The following MYO16 variants were observed in gnomAD, a reference collection of about 807,000 sequenced individuals.
MYO16 encodes myosin XVI.
A neutral mutation model predicts 205.3 loss-of-function variants in MYO16; 94 were observed. That is an observed-to-expected ratio of 0.46 (90% CI 0.39 to 0.54). The LOEUF is 0.54. Among genes scored for constraint, MYO16 ranks in the 20% least tolerant of loss-of-function variants. MYO16 has a pLI of 0.00. For missense variants in MYO16, 2,315 were observed against 2,387.5 expected (o/e 0.97, Z 0.63); for synonymous variants, 988 against 954.0 (o/e 1.04, Z -0.66).
intron 1 of MYO16, among the ~76,000 whole-genome samples, chr13:108,648,516 T>C (rs9583273): frequency 1.7e-3 from 264 of 152,156 alleles, no homozygotes; most frequent in African/African-American, 5.6e-3. Context: ...CAGCACATAC[T>C]GAACACAAAA....
chr13:109,095,564 T>C (rs1474131661), intron 27 of MYO16, among the ~76,000 whole-genome samples: 1 of 152,166 alleles, frequency 6.6e-6, no homozygotes. Context: ...GTCAGAATTA[T>C]ACCATTTTAA....
chr13:109,051,405 C>T (rs368572239), intron 24 of MYO16, among the ~76,000 whole-genome samples: 3 of 152,192 alleles, frequency 2.0e-5, no homozygotes, highest in African/African-American at 4.8e-5. Context: ...ATTGGCTAAG[C>T]GTGATCCTAG....
intron 23 of MYO16, among the ~76,000 whole-genome samples, chr13:109,025,516 T>G (rs939014516): frequency 6.6e-6 from 1 of 152,192 alleles, no homozygotes. Flanking sequence ...AGCATGAATC[T>G]GAATTAAAGA....
At chr13:108,717,242 A>G (rs943326348) in intron 3 of MYO16, among the ~76,000 whole-genome samples, 1 of 152,164 alleles carries the variant, frequency 6.6e-6, no homozygotes, top group African/African-American at 2.4e-5. Context: ...GGTGAAATAT[A>G]TTAGAAATAA....
chr13:108,517,654 C>G, the MYO16 span, among the ~76,000 whole-genome samples: 6 of 152,178 alleles, frequency 3.9e-5, no homozygotes, highest in Non-Finnish European at 8.8e-5. Context: ...ATAATATATT[C>G]ATGTCAGGGA....
chr13:109,012,844 C>T (rs1885649272), intron 22 of MYO16, among the ~76,000 whole-genome samples: 1 of 151,160 alleles, frequency 6.6e-6, no homozygotes, highest in Non-Finnish European at 1.5e-5. Flanking sequence ...AACTGTCAGA[C>T]TTCTAATTTA....
chr13:108,823,613 A>G (rs972417850), intron 9 of MYO16, among the ~76,000 whole-genome samples: 1 of 152,174 alleles, frequency 6.6e-6, no homozygotes, highest in African/African-American at 2.4e-5. Flanking sequence ...CTGAAATAGA[A>G]AATACTGATA....
At chr13:108,949,258 C>T (rs1883052741) in intron 16 of MYO16, among the ~76,000 whole-genome samples, 2 of 152,062 alleles carry the variant, frequency 1.3e-5, no homozygotes, top group African/African-American at 4.8e-5. Context: ...AAGGCACCAT[C>T]AGGCTTTGTG....
At chr13:108,566,723 AAGGAAGGAAGGG>A in the MYO16 span, among the ~76,000 whole-genome samples, 5 of 134,734 alleles carry the variant, frequency 3.7e-5, no homozygotes, top group African/African-American at 8.9e-5. Flanking sequence ...AGGAGGAAGG[AAGGAAGGAAGGG>A]AGGAAGGAAG....
the MYO16 span, among the ~76,000 whole-genome samples, chr13:108,563,709 A>G: frequency 1.3e-5 from 2 of 152,128 alleles, no homozygotes; most frequent in African/African-American, 2.4e-5. Flanking sequence ...TCCATTGTTT[A>G]TAAGTACCAC....
chr13:108,603,314 A>G (rs139978103), intron 1 of MYO16, among the ~76,000 whole-genome samples: 9 of 152,294 alleles, frequency 5.9e-5, no homozygotes, highest in Middle Eastern at 3.4e-3. Context: ...TACTTTTCCT[A>G]ATAGAGATAG....
chr13:108,539,434 G>T, the MYO16 span, among the ~76,000 whole-genome samples: 2 of 152,028 alleles, frequency 1.3e-5, no homozygotes, highest in Non-Finnish European at 2.9e-5. Flanking sequence ...TTGAGCAAAT[G>T]AATGATGAAA....
chr13:108,719,111 T>A (rs190535805), intron 3 of MYO16, among the ~76,000 whole-genome samples: 41 of 152,196 alleles, frequency 2.7e-4, no homozygotes, highest in African/African-American at 8.7e-4. Context: ...ATCTTTGTAA[T>A]AAGGACCCCA....
At position 109,125,656 on chromosome 13, in the gene MYO16, T is replaced by C. The variant is rs1260563878; in HGVS notation, c.3782+298T>C. On this transcript the variant is annotated intron_variant, in intron 30 of 34. Coordinates refer to ENST00000457511, the MANE Select transcript of MYO16 (RefSeq NM_001198950.3). The surrounding 1 kb of genome is among the most constrained non-coding windows in gnomAD (Gnocchi z 4.0). ...CACTCTAGTTCTAAAGCATTTACTG[T>C]TTCTGTATTAGCAAAAATATATAGC... is the stretch of plus-strand genomic sequence containing the variant. Among the ~76,000 whole-genome samples, 2 of 152,232 alleles carry C rather than the reference T, an allele frequency of 1.3e-5. No individual in the cohort carries two copies. The highest frequency in any genetic ancestry group is 2.9e-5 in the Non-Finnish European group (2 of 68,050).
At chr13:108,582,814 G>T in the MYO16 span, among the ~76,000 whole-genome samples, 8 of 152,082 alleles carry the variant, frequency 5.3e-5, no homozygotes, top group Admixed American at 2.6e-4. Flanking sequence ...ACACGGGCTG[G>T]GTTATTATTT....
At chr13:108,666,173 C>A in intron 2 of MYO16, 24 bp downstream of exon 2, 1 of 1,564,618 alleles carries the variant, frequency 6.4e-7, no homozygotes, top group South Asian at 1.2e-5. Context: ...AAGAAGGACC[C>A]GTTTTCTGAT....
At chr13:108,648,701 G>A (rs1032925271) in intron 1 of MYO16, among the ~76,000 whole-genome samples, 6 of 151,958 alleles carry the variant, frequency 3.9e-5, no homozygotes, top group African/African-American at 1.2e-4. Context: ...CAAAGAAATC[G>A]ATCTTTATGG....
chr13:108,740,136 C>G (rs553508929), intron 4 of MYO16, among the ~76,000 whole-genome samples: 3 of 148,712 alleles, frequency 2.0e-5, no homozygotes, highest in African/African-American at 7.4e-5. Context: ...TCTCTCAACT[C>G]GTCACAGTCA....
intron 4 of MYO16, 68 bp downstream of exon 4, chr13:108,727,651 A>C (rs1341756596): frequency 6.6e-7 from 1 of 1,508,922 alleles, no homozygotes; most frequent in Non-Finnish European, 8.9e-7. Context: ...TATTTAACTA[A>C]TGCTATTTTA....
Sources: gnomAD v4.1 joint callset for allele counts (sites outside exome capture counted in the v4.1 genomes callset) on GRCh38, gnomAD v4.1.1 for gene constraint, Gnocchi (gnomAD v3.1) non-coding constraint, MANE v1.5 for transcripts, NCBI Gene and HGNC (gene_info 2026-07-23, HGNC 2026-07-21) for gene names.